Variants in COLEC12 observed in about 807,000 individuals in gnomAD.
The protein encoded by COLEC12 is collectin subfamily member 12.
In COLEC12, 33 loss-of-function variants were observed where a neutral mutation model predicts 71.1. The ratio of observed to expected loss-of-function variants is 0.46; its 90% CI spans 0.35 to 0.62. COLEC12 has a LOEUF of 0.62. Ranked by LOEUF, COLEC12 falls within the 20% of genes least tolerant of loss-of-function variation. COLEC12 has a pLI of 0.00. For synonymous variants in COLEC12, 350 were observed against 353.0 expected, an observed-to-expected ratio of 0.99 and a Z score of 0.10; for missense variants, 765 against 916.1, an observed-to-expected ratio of 0.84 and a Z score of 2.13.
chr18:478,817 G>T (rs1190402327), intron 2 of COLEC12, among the ~76,000 whole-genome samples: 1 of 150,918 alleles, frequency 6.6e-6, no homozygotes, highest in African/African-American at 2.5e-5. Flanking sequence ...GTACCGCTTG[G>T]CATCACTCTC....
chr18:497,105 T>TAATATATATAAAA (rs1917725712), intron 1 of COLEC12, among the ~76,000 whole-genome samples: 2 of 152,216 alleles, frequency 1.3e-5, no homozygotes, highest in Admixed American at 1.3e-4. Flanking sequence ...TAATATATAA[T>TAATATATATAAAA]GATGTCATTA....
rs554019685 is a variant in COLEC12 at position 346,064 on chromosome 18, C to A, written c.1327+231G>T. On this transcript the variant is annotated intron_variant, in intron 5 of 9. Coordinates refer to ENST00000400256, the MANE Select transcript of COLEC12 (RefSeq NM_130386.3). The surrounding 1 kb of genome is among the most constrained non-coding windows in gnomAD (Gnocchi z 4.0). ...GTGAACAGGCCACTTAAGTAGCAGA[C>A]CCTCCAGCCACAGTCAAGCCTTCAG... 4.6e-5 allele frequency among the ~76,000 whole-genome samples: 7 copies of A among 152,312 alleles called. No individual in the cohort carries two copies. Among genetic ancestry groups the A allele is most frequent in the Non-Finnish European group, 5.9e-5 (4 of 68,034 alleles).
chr18:475,947 G>A (rs114145712), intron 2 of COLEC12, among the ~76,000 whole-genome samples: 69 of 152,284 alleles, frequency 4.5e-4, no homozygotes, highest in African/African-American at 1.4e-3. Flanking sequence ...CGACATGCTC[G>A]GCACCGTGTG....
At chr18:412,347 C>A (rs904279442) in intron 2 of COLEC12, among the ~76,000 whole-genome samples, 1 of 151,870 alleles carries the variant, frequency 6.6e-6, no homozygotes, top group Non-Finnish European at 1.5e-5. Context: ...ACTGATAACC[C>A]AGAGTCCTAT....
chr18:390,228 G>T (rs1402426901), intron 2 of COLEC12, among the ~76,000 whole-genome samples: 3 of 152,166 alleles, frequency 2.0e-5, no homozygotes, highest in Non-Finnish European at 2.9e-5. Context: ...AACCTGGGAA[G>T]GGAGGCCATC....
rs1915630693 is a variant in COLEC12, at chr18:399,232, T to C, written c.59-41710A>G. Among the ~76,000 whole-genome samples, 1 of 152,198 alleles carries C rather than the reference T, an allele frequency of 6.6e-6. No homozygotes were observed. The highest frequency in any genetic ancestry group is 2.4e-5 in the African/African-American group (1 of 41,440). ...AGTTGAGATTTTTCTGCTACGTGGG[T>C]CTCAGGCTAAGCGTAAGATGCTATT... On this transcript the variant is annotated intron_variant, in intron 2 of 9. Transcript: ENST00000400256. The surrounding 1 kb of genome is among the most constrained non-coding windows in gnomAD (Gnocchi z 4.0).
At chr18:335,419 C>G (rs1402842358) in intron 5 of COLEC12, among the ~76,000 whole-genome samples, 189 bp from the exon 6 acceptor site, 1 of 152,164 alleles carries the variant, frequency 6.6e-6, no homozygotes, top group Non-Finnish European at 1.5e-5. Flanking sequence ...CCTCCAAATT[C>G]TTATGCTGAA....
At chr18:386,504 T>C (rs1915347862) in intron 2 of COLEC12, among the ~76,000 whole-genome samples, 1 of 152,198 alleles carries the variant, frequency 6.6e-6, no homozygotes, top group Admixed American at 6.5e-5. Context: ...CCCCAGGTGA[T>C]TCCTATGTCC....
At position 335,079 on chromosome 18, in the gene COLEC12, G is replaced by T. The variant is rs770196943; in HGVS notation, c.1479C>A (p.Pro493=). ...ERGPIGPAGP[P]GERGGKGSKG... ...TAGATCCTTTGCCGCCACGCTCTCC[G>T]GGGGGACCAGCTGGTCCAATTGGGC... The change falls in exon 6 of 10, where the codon CCC becomes CCA. Residue 493 remains proline (P), a synonymous_variant. Transcript: ENST00000400256. The T allele has an allele frequency of 2.5e-6, 4 of 1,610,218 alleles. No homozygotes were observed. In the South Asian group the frequency reaches 4.4e-5, roughly 18 times the overall value.
chr18:460,132 G>A (rs1598371726), intron 2 of COLEC12, among the ~76,000 whole-genome samples: 2 of 152,254 alleles, frequency 1.3e-5, no homozygotes, highest in African/African-American at 4.8e-5. Context: ...AAAACAGTAA[G>A]AACGTTTTTG....
intron 2 of COLEC12, among the ~76,000 whole-genome samples, chr18:360,803 T>G (rs949908663): frequency 6.6e-6 from 1 of 152,182 alleles, no homozygotes; most frequent in African/African-American, 2.4e-5. Context: ...AAAATTAGAC[T>G]CACTGATCAA....
chr18:455,772 T>C (rs1051530989), intron 2 of COLEC12, among the ~76,000 whole-genome samples: 14 of 152,168 alleles, frequency 9.2e-5, no homozygotes, highest in African/African-American at 3.1e-4. Flanking sequence ...CCTGTGTTAG[T>C]TTGCTGAGAA....
intron 1 of COLEC12, among the ~76,000 whole-genome samples, chr18:498,966 G>A (rs1163864808): frequency 1.3e-5 from 2 of 152,204 alleles, no homozygotes; most frequent in Non-Finnish European, 2.9e-5. Context: ...AAGAACCCAC[G>A]TGGGAGCTGA....
intron 2 of COLEC12, among the ~76,000 whole-genome samples, chr18:361,270 T>C (rs1281515190): frequency 6.6e-6 from 1 of 152,170 alleles, no homozygotes; most frequent in Non-Finnish European, 1.5e-5. Context: ...TATACAATGT[T>C]GCAGTCAGGA....
chr18:341,486 G>A (rs1353897564), intron 5 of COLEC12, among the ~76,000 whole-genome samples: 6 of 152,210 alleles, frequency 3.9e-5, no homozygotes, highest in Non-Finnish European at 8.8e-5. Context: ...GCATCCTGGG[G>A]TCTGATTCAT....
chr18:350,847 G>A (rs1037758032), intron 3 of COLEC12, among the ~76,000 whole-genome samples: 1 of 151,290 alleles, frequency 6.6e-6, no homozygotes, highest in African/African-American at 2.4e-5. Flanking sequence ...AGAATTGCTT[G>A]AACCTGGGAG....
chr18:321,301 G>A (rs935603547), intron 9 of COLEC12, among the ~76,000 whole-genome samples: 3 of 152,144 alleles, frequency 2.0e-5, no homozygotes, highest in Non-Finnish European at 4.4e-5. Context: ...TGATCTGCCC[G>A]CCTCCACCTC....
chr18:485,841 A>G (rs2143781300), intron 1 of COLEC12, among the ~76,000 whole-genome samples: 1 of 152,338 alleles, frequency 6.6e-6, no homozygotes, highest in East Asian at 1.9e-4. Context: ...GCTCCCTTGT[A>G]TCAGTGTGAC....
In COLEC12 at chr18:479,552, A is replaced by T. The variant is rs201633266; in HGVS notation, c.58+1155T>A. ...CTCTCTCTCTCTCTCTCTCTCTCTC[A>T]CACACACACAGAAACGCACACACAC... On this transcript the variant is annotated intron_variant, in intron 2 of 9. Coordinates refer to ENST00000400256, the MANE Select transcript of COLEC12 (RefSeq NM_130386.3). Among the ~76,000 whole-genome samples, 62 of 143,158 alleles carry T rather than the reference A, an allele frequency of 4.3e-4. No homozygotes were observed. In the East Asian group the frequency reaches 4.8e-3, roughly 11 times the overall value. The allele number at this position is 143,158 out of a possible 152,430, so 93.9% of individuals were successfully genotyped here.
Sources: gnomAD v4.1 joint callset for allele counts (sites outside exome capture counted in the v4.1 genomes callset) on GRCh38, gnomAD v4.1.1 for gene constraint, Gnocchi (gnomAD v3.1) non-coding constraint, MANE v1.5 for transcripts, NCBI Gene and HGNC (gene_info 2026-07-23, HGNC 2026-07-21) for gene names.